MPP7: variants seen among roughly 807,000 people sequenced by gnomAD.
The protein encoded by MPP7 is MAGUK p55 scaffold protein 7, also known as MAGUK p55 subfamily member 7.
A neutral mutation model predicts 76.5 loss-of-function variants in MPP7; 60 were observed. The ratio of observed to expected loss-of-function variants is 0.78; its 90% confidence interval spans 0.64 to 0.97. The LOEUF (loss-of-function observed/expected upper bound fraction) is 0.97. MPP7 is among the 50% of genes least tolerant of loss of function. The pLI is 0.00. For synonymous variants in MPP7, 237 were observed against 244.5 expected (o/e 0.97, Z 0.29); for missense variants, 641 against 694.0 (o/e 0.92, Z 0.86).
intron 6 of MPP7, among the ~76,000 whole-genome samples, chr10:28,126,848 C>T (rs1835032890): frequency 6.6e-6 from 1 of 152,150 alleles, no homozygotes. Context: ...GAAATCATGA[C>T]CACTGCTATG....
chr10:28,199,035 C>CTCA (rs1837682833), intron 3 of MPP7, among the ~76,000 whole-genome samples: 1 of 152,148 alleles, frequency 6.6e-6, no homozygotes, highest in South Asian at 2.1e-4. Flanking sequence ...AAGCATCACA[C>CTCA]TCATGGCAGA....
intron 1 of MPP7, among the ~76,000 whole-genome samples, chr10:28,247,227 T>C (rs1839465408): frequency 6.6e-6 from 1 of 152,204 alleles, no homozygotes; most frequent in Non-Finnish European, 1.5e-5. Context: ...TTCACAAAGA[T>C]GATTTCATGT....
intron 3 of MPP7, among the ~76,000 whole-genome samples, chr10:28,175,520 T>C (rs1170687617): frequency 6.6e-6 from 1 of 152,128 alleles, no homozygotes; most frequent in Non-Finnish European, 1.5e-5. Flanking sequence ...GGAAAACTGA[T>C]ACTAAACAGT....
At chr10:28,055,869 C>T (rs1851533010) in intron 16 of MPP7, among the ~76,000 whole-genome samples, 1 of 150,696 alleles carries the variant, frequency 6.6e-6, no homozygotes, top group Non-Finnish European at 1.5e-5. Context: ...TAATAGTATA[C>T]AAAATAGTTT....
At chr10:28,272,827 T>C (rs1349039533) in intron 1 of MPP7, among the ~76,000 whole-genome samples, 1 of 152,218 alleles carries the variant, frequency 6.6e-6, no homozygotes, top group Non-Finnish European at 1.5e-5. Context: ...CACTTACTTA[T>C]TAAGTCTTAC....
chr10:28,225,779 A>C (rs778348049), intron 2 of MPP7, among the ~76,000 whole-genome samples: 4 of 152,204 alleles, frequency 2.6e-5, no homozygotes, highest in Non-Finnish European at 4.4e-5. Context: ...CTAAACACAG[A>C]ATTATCATAT....
At chr10:28,276,661 G>A (rs978301306) in intron 1 of MPP7, among the ~76,000 whole-genome samples, 5 of 152,026 alleles carry the variant, frequency 3.3e-5, no homozygotes, top group East Asian at 1.9e-4. Context: ...TTTCAGGAGC[G>A]CAAGTCATGC....
chr10:28,258,240 C>T (rs1271279914), intron 1 of MPP7, among the ~76,000 whole-genome samples: 1 of 147,898 alleles, frequency 6.8e-6, no homozygotes, highest in East Asian at 2.0e-4. Context: ...GTGAGACCAC[C>T]AAGAAGACAA....
chr10:28,109,446 G>A (rs901241285), intron 11 of MPP7, among the ~76,000 whole-genome samples: 7 of 152,048 alleles, frequency 4.6e-5, no homozygotes, highest in South Asian at 2.1e-4. Context: ...CTTTTCCACC[G>A]TCTATCAAAA....
chr10:28,223,423 A>AT (rs946040428), intron 2 of MPP7, among the ~76,000 whole-genome samples: 1 of 152,142 alleles, frequency 6.6e-6, no homozygotes, highest in African/African-American at 2.4e-5. Flanking sequence ...AGTCAGTAAG[A>AT]TTTTGTTCAC....
In MPP7 at chr10:28,238,752, C is replaced by A; in HGVS notation, c.-131-17G>T. The A allele has an allele frequency of 1.4e-6, 1 of 714,358 alleles. No homozygotes were observed. The highest frequency in any genetic ancestry group is 2.3e-6 in the Non-Finnish European group (1 of 429,152). The allele number at this position is 714,358 out of a possible 1,614,324, so 44.3% of individuals were successfully genotyped here. On this transcript the variant is annotated splice_polypyrimidine_tract_variant and intron_variant, in intron 1 of 16. Coordinates refer to ENST00000683449, the MANE Select transcript of MPP7 (RefSeq NM_001318170.2). Reference sequence around the variant, plus strand: ...AAGCCGTTTCTAGAAAGGAAAGAAACATTTATATTTTTTAAAAAGGGACCA... The same window carrying A: ...AAGCCGTTTCTAGAAAGGAAAGAAAAATTTATATTTTTTAAAAAGGGACCA...
intron 3 of MPP7, among the ~76,000 whole-genome samples, chr10:28,199,905 C>T (rs1442153696): frequency 6.7e-6 from 1 of 149,300 alleles, no homozygotes; most frequent in Non-Finnish European, 1.5e-5. Flanking sequence ...CACACACACA[C>T]GATCACACGA....
rs369407984 is a variant in MPP7 at position 28,272,874 on chromosome 10, T to C, written c.-132+29987A>G. On this transcript the variant is annotated intron_variant, in intron 1 of 16. Transcript: ENST00000683449. ...TACTTCCTATGAAGAATAATGATTT[T>C]ATTATAGACCAAGTAAAACAACCCA... Among the ~76,000 whole-genome samples, 11 of 152,230 alleles carry C rather than the reference T, an allele frequency of 7.2e-5. No individual in the cohort carries two copies. In the East Asian group the frequency reaches 2.1e-3, roughly 29 times the overall value.
intron 12 of MPP7, among the ~76,000 whole-genome samples, chr10:28,070,719 A>G (rs1588721679): frequency 6.6e-6 from 1 of 152,214 alleles, no homozygotes; most frequent in East Asian, 1.9e-4. Flanking sequence ...GACATATATA[A>G]GGAGCAAGGC....
intron 2 of MPP7, among the ~76,000 whole-genome samples, chr10:28,311,759 T>TACACAC (rs112717112): frequency 0.12 from 17,191 of 148,612 alleles, 1,210 homozygotes; most frequent in Non-Finnish European, 0.16. Context: ...GATGTGTTAA[T>TACACAC]ACACACACAC....
chr10:28,172,178 T>G (rs974433027), intron 3 of MPP7, among the ~76,000 whole-genome samples: 1 of 152,230 alleles, frequency 6.6e-6, no homozygotes, highest in African/African-American at 2.4e-5. Context: ...CAAATCTAAT[T>G]GTCCTATTAA....
At chr10:28,231,786 G>T (rs901883337) in intron 2 of MPP7, among the ~76,000 whole-genome samples, 1 of 152,114 alleles carries the variant, frequency 6.6e-6, no homozygotes, top group African/African-American at 2.4e-5. Flanking sequence ...TGACCTAACA[G>T]GTAAGTTCTA....
At chr10:28,240,456 T>C (rs796946311) in intron 1 of MPP7, among the ~76,000 whole-genome samples, 10 of 152,312 alleles carry the variant, frequency 6.6e-5, no homozygotes, top group African/African-American at 2.4e-4. Context: ...TAGACCAGAC[T>C]ATCTGCTGTA....
At chr10:28,269,525 CTT>C (rs111580419) in intron 1 of MPP7, among the ~76,000 whole-genome samples, 75 of 139,030 alleles carry the variant, frequency 5.4e-4, no homozygotes, top group East Asian at 8.3e-4. Context: ...TTGTTTTTAT[CTT>C]TTTTTTTTTT....
Sources: allele counts gnomAD v4.1 joint callset (sites outside exome capture counted in the v4.1 genomes callset), GRCh38; gene constraint gnomAD v4.1.1; transcripts MANE v1.5; gene names NCBI Gene and HGNC (gene_info 2026-07-23, HGNC 2026-07-21).